The following SMYD3 variants were observed in gnomAD, a reference collection of about 807,000 sequenced individuals.
SMYD3 encodes the protein SET and MYND domain containing 3.
In SMYD3, 36 loss-of-function variants were observed where a neutral mutation model predicts 57.7. The ratio of observed to expected loss-of-function variants is 0.62; its 90% CI spans 0.48 to 0.82. The LOEUF (loss-of-function observed/expected upper bound fraction) is 0.82, where lower values mean the gene tolerates loss of function less well. Among genes scored for constraint, SMYD3 ranks in the 40% least tolerant of loss-of-function variants. SMYD3 has a pLI of 0.00. For synonymous variants in SMYD3, 211 were observed against 195.0 expected (o/e 1.08, Z -0.68); for missense variants, 515 against 538.8 (o/e 0.96, Z 0.44).
At chr1:245,883,910 A>G (rs1466831329) in intron 8 of SMYD3, among the ~76,000 whole-genome samples, 1 of 152,210 alleles carries the variant, frequency 6.6e-6, no homozygotes, top group African/African-American at 2.4e-5. Flanking sequence ...TGGGTGATGT[A>G]AAAAAGAAAA....
At chr1:245,983,518 G>A (rs1453131045) in intron 5 of SMYD3, among the ~76,000 whole-genome samples, 2 of 152,176 alleles carry the variant, frequency 1.3e-5, no homozygotes, top group Non-Finnish European at 2.9e-5. Flanking sequence ...TAAATTGTTT[G>A]ACTTTTCTTC....
At chr1:246,269,690 G>A (rs2064182301) in intron 5 of SMYD3, among the ~76,000 whole-genome samples, 1 of 151,592 alleles carries the variant, frequency 6.6e-6, no homozygotes, top group South Asian at 2.1e-4. Context: ...CACCTCAGCC[G>A]TAAGCAGCCG....
At chr1:246,289,841 G>GT (rs2064651808) in intron 5 of SMYD3, among the ~76,000 whole-genome samples, 2 of 152,188 alleles carry the variant, frequency 1.3e-5, no homozygotes, top group Admixed American at 1.3e-4. Context: ...GACTTCCTCA[G>GT]TAGGGACTAT....
chr1:245,888,476 C>G (rs1280189192), intron 8 of SMYD3, among the ~76,000 whole-genome samples: 1 of 152,128 alleles, frequency 6.6e-6, no homozygotes, highest in Non-Finnish European at 1.5e-5. Flanking sequence ...AAGGGCAGTA[C>G]CCACAGTGCT....
chr1:246,344,770 G>A (rs2065685869), intron 2 of SMYD3, among the ~76,000 whole-genome samples: 1 of 152,186 alleles, frequency 6.6e-6, no homozygotes, highest in Non-Finnish European at 1.5e-5. Context: ...AGTCTTTCTA[G>A]TGGGTGTGTA....
At chr1:245,875,582 T>G (rs945503715) in intron 8 of SMYD3, among the ~76,000 whole-genome samples, 5 of 152,184 alleles carry the variant, frequency 3.3e-5, no homozygotes, top group Non-Finnish European at 7.3e-5. Context: ...GTTCCTCAAA[T>G]TTGGATGTTC....
intron 1 of SMYD3, among the ~76,000 whole-genome samples, chr1:246,463,147 A>G (rs2067827785): frequency 1.3e-5 from 2 of 152,162 alleles, no homozygotes; most frequent in African/African-American, 4.8e-5. Flanking sequence ...CTGAACCGAG[A>G]ACAGTAGCTA....
At chr1:246,288,062 CTTTTTTTTTTT>C (rs67603439) in intron 5 of SMYD3, among the ~76,000 whole-genome samples, 14 of 64,216 alleles carry the variant, frequency 2.2e-4, no homozygotes, top group Admixed American at 1.5e-3. Flanking sequence ...TCAGGTAATT[CTTTTTTTTTTT>C]TTTTTTTTTT....
At chr1:246,478,735 CTG>C (rs2068061225) in intron 1 of SMYD3, among the ~76,000 whole-genome samples, 1 of 1,700 alleles carries the variant, frequency 5.9e-4, no homozygotes, top group Non-Finnish European at 0.012. Context: ...ATATGCACAC[CTG>C]TCCTCCATCT....
At chr1:246,277,948 A>C (rs943264570) in intron 5 of SMYD3, among the ~76,000 whole-genome samples, 1 of 152,242 alleles carries the variant, frequency 6.6e-6, no homozygotes, top group African/African-American at 2.4e-5. Context: ...CATGATAATC[A>C]TCGTATATTA....
At chr1:246,369,468 T>TAG (rs1381324919) in intron 1 of SMYD3, among the ~76,000 whole-genome samples, 1 of 152,208 alleles carries the variant, frequency 6.6e-6, no homozygotes, top group Admixed American at 6.5e-5. Flanking sequence ...CACACACCAG[T>TAG]AGATGTGGTC....
At chr1:246,134,463 A>G (rs2061637089) in intron 5 of SMYD3, among the ~76,000 whole-genome samples, 1 of 152,146 alleles carries the variant, frequency 6.6e-6, no homozygotes, top group Non-Finnish European at 1.5e-5. Context: ...TAAATTATAT[A>G]CCCATGATTT....
intron 1 of SMYD3, among the ~76,000 whole-genome samples, chr1:246,406,158 A>G (rs892491498): frequency 4.6e-5 from 7 of 151,986 alleles, no homozygotes; most frequent in South Asian, 4.2e-4. Context: ...TCCCAGGCTC[A>G]AGCAATCTGC....
intron 9 of SMYD3, among the ~76,000 whole-genome samples, chr1:245,863,517 T>C (rs748419273): frequency 6.6e-6 from 1 of 152,224 alleles, no homozygotes; most frequent in African/African-American, 2.4e-5. Context: ...CTTTTACATA[T>C]AAAGAGACTA....
intron 11 of SMYD3, among the ~76,000 whole-genome samples, chr1:245,755,552 G>A (rs1222760105): frequency 4.6e-5 from 7 of 152,080 alleles, no homozygotes; most frequent in Non-Finnish European, 7.4e-5. Flanking sequence ...TGTTTCTCAT[G>A]TTTTGCAACT....
chr1:246,015,802 C>T (rs1050916478), intron 5 of SMYD3, among the ~76,000 whole-genome samples: 1 of 152,154 alleles, frequency 6.6e-6, no homozygotes, highest in Non-Finnish European at 1.5e-5. Flanking sequence ...TTATATGTGG[C>T]ACACATTTTG....
At chr1:246,185,742 G>A (rs1388674166) in intron 5 of SMYD3, among the ~76,000 whole-genome samples, 1 of 152,178 alleles carries the variant, frequency 6.6e-6, no homozygotes, top group African/African-American at 2.4e-5. Flanking sequence ...TTACAGGCAT[G>A]AGCCACCGTG....
chr1:245,853,023 T>G (rs996481280), intron 10 of SMYD3, among the ~76,000 whole-genome samples: 1 of 152,206 alleles, frequency 6.6e-6, no homozygotes, highest in Admixed American at 6.5e-5. Context: ...ATGGAAAACA[T>G]GATTAAGTGG....
intron 8 of SMYD3, among the ~76,000 whole-genome samples, chr1:245,901,637 C>T (rs2054188962): frequency 1.4e-5 from 1 of 72,110 alleles, no homozygotes; most frequent in African/African-American, 4.8e-5. Flanking sequence ...GCAGCTGGCA[C>T]TCATCTCCTC....
Sources: gnomAD v4.1 joint callset for allele counts (sites outside exome capture counted in the v4.1 genomes callset) on GRCh38, gnomAD v4.1.1 for gene constraint, MANE v1.5 for transcripts, NCBI Gene and HGNC (gene_info 2026-07-23, HGNC 2026-07-21) for gene names.